Variants in GPLD1 observed in about 807,000 individuals in gnomAD.
The protein encoded by GPLD1 is glycosylphosphatidylinositol specific phospholipase D1.
Under a neutral mutation model 112.6 loss-of-function variants are expected in GPLD1, and 84 were observed. The ratio of observed to expected loss-of-function variants is 0.75; its 90% CI spans 0.63 to 0.89. The LOEUF (loss-of-function observed/expected upper bound fraction) is 0.89. Among genes scored for constraint, GPLD1 ranks in the 40% least tolerant of loss-of-function variants. The pLI, the probability that GPLD1 is intolerant of heterozygous loss-of-function variation, is 0.00. For synonymous variants in GPLD1, 386 were observed against 403.8 expected, an observed-to-expected ratio of 0.96 and a Z score of 0.53; for missense variants, 1,044 against 1,051.5, an observed-to-expected ratio of 0.99 and a Z score of 0.10.
At position 24,466,668 on chromosome 6, in the gene GPLD1, A is replaced by G. The variant is rs769330955; in HGVS notation, c.821+12T>C. ...GAGAGTGATTGGTAATAGAAATGCA[A>G]TATGAATTCACCTGGTCCCATTCTC... On this transcript the variant is annotated intron_variant, in intron 10 of 24. Transcript: ENST00000230036. 6.2e-7 allele frequency: 1 copy of G among 1,607,052 alleles called. No individual in the cohort carries two copies. The highest frequency in any genetic ancestry group is 1.7e-5 in the Admixed American group (1 of 59,760).
At chr6:24,488,340 A>T (rs963286698) in intron 1 of GPLD1, among the ~76,000 whole-genome samples, 1 of 151,746 alleles carries the variant, frequency 6.6e-6, no homozygotes, top group African/African-American at 2.4e-5. Context: ...TGAACCCAGG[A>T]GGCGGAGCTT....
At position 24,489,396 on chromosome 6, in the gene GPLD1, A is replaced by C; in HGVS notation, c.97+19T>G. 1 of 1,520,104 alleles carries C rather than the reference A, an allele frequency of 6.6e-7. No homozygotes were observed. The highest frequency in any genetic ancestry group is 9.1e-7 in the Non-Finnish European group (1 of 1,094,418). 94.2% of individuals were successfully genotyped at this position (1,520,104 alleles called of 1,614,324 possible). A position where few individuals can be genotyped will look rare whatever the true frequency, so the allele number is the denominator to read the frequency against. ...GATGTATTGTCCTCTCAACAACATA[A>C]CAAGACACCAGTACTTACCTATTTC... On this transcript the variant is annotated intron_variant, in intron 1 of 24. Coordinates refer to ENST00000230036, the MANE Select transcript of GPLD1 (RefSeq NM_001503.4).
At chr6:24,470,132 TTTTG>T (rs1763751922) in intron 7 of GPLD1, among the ~76,000 whole-genome samples, 4 of 151,702 alleles carry the variant, frequency 2.6e-5, no homozygotes, top group African/African-American at 7.3e-5. Flanking sequence ...ACGGTTTTTT[TTTTG>T]TTTGTTTTTT....
chr6:24,460,050 A>G (rs538219237), intron 12 of GPLD1, among the ~76,000 whole-genome samples: 2 of 152,296 alleles, frequency 1.3e-5, no homozygotes, highest in South Asian at 4.1e-4. Context: ...AGGCACAGCC[A>G]TCACACCCAG....
At chr6:24,472,185 A>ATTTTTATG (rs1763847629) in intron 7 of GPLD1, among the ~76,000 whole-genome samples, 1 of 152,222 alleles carries the variant, frequency 6.6e-6, no homozygotes, top group Admixed American at 6.5e-5. Flanking sequence ...ATAAAATAGA[A>ATTTTTATG]GAAAAGTGTA....
chr6:24,460,929 G>A (rs190700527), intron 11 of GPLD1, among the ~76,000 whole-genome samples: 2 of 152,106 alleles, frequency 1.3e-5, no homozygotes, highest in African/African-American at 4.8e-5. Context: ...TTTTAGTAGA[G>A]ATGGAGTTTC....
chr6:24,446,337 A>G (rs1382062788), intron 18 of GPLD1, among the ~76,000 whole-genome samples: 2 of 100,268 alleles, frequency 2.0e-5, no homozygotes, highest in Admixed American at 1.1e-4. Context: ...CCCTATAAAA[A>G]TGTTTTTAAA....
chr6:24,491,602 G>A (rs1337281454), upstream of GPLD1, among the ~76,000 whole-genome samples: 2 of 152,116 alleles, frequency 1.3e-5, no homozygotes, highest in African/African-American at 4.8e-5. Context: ...AAGCTACTCA[G>A]GAGGCTGAGG....
intron 10 of GPLD1, among the ~76,000 whole-genome samples, chr6:24,465,409 G>C (rs1310827104): frequency 6.6e-6 from 1 of 151,546 alleles, no homozygotes; most frequent in Non-Finnish European, 1.5e-5. Context: ...TGGTGCAGTG[G>C]TGTGAGCCTG....
upstream of GPLD1, among the ~76,000 whole-genome samples, chr6:24,491,977 T>C (rs1272426817): frequency 6.6e-6 from 1 of 152,208 alleles, no homozygotes. Flanking sequence ...ACAATATTAC[T>C]ATCTGACAAA....
intron 20 of GPLD1, among the ~76,000 whole-genome samples, chr6:24,440,416 C>G (rs9467157): frequency 6.6e-6 from 1 of 151,908 alleles, no homozygotes; most frequent in South Asian, 2.1e-4. Context: ...TGAACTCCAG[C>G]CTGGGCAACA....
chr6:24,443,833 G>A (rs1404497239), intron 20 of GPLD1, among the ~76,000 whole-genome samples: 5 of 151,742 alleles, frequency 3.3e-5, no homozygotes, highest in Admixed American at 6.6e-5. Flanking sequence ...ACTATGCCTG[G>A]CTAATTTGTG....
intron 22 of GPLD1, among the ~76,000 whole-genome samples, chr6:24,434,128 T>A (rs1239419298): frequency 6.6e-6 from 1 of 152,168 alleles, no homozygotes; most frequent in African/African-American, 2.4e-5. Context: ...CCAGGCACAG[T>A]GGCTCACACC....
intron 20 of GPLD1, among the ~76,000 whole-genome samples, chr6:24,440,773 T>C (rs1015005330): frequency 1.3e-5 from 2 of 151,734 alleles, no homozygotes; most frequent in Non-Finnish European, 2.9e-5. Flanking sequence ...CTATATATAT[T>C]TCTTTCTGGA....
chr6:24,466,559 C>A, intron 10 of GPLD1, 121 bp downstream of exon 10: 1 of 734,128 alleles, frequency 1.4e-6, no homozygotes, highest in Non-Finnish European at 2.3e-6. Context: ...GTTAGAAAAG[C>A]ACTTCATGAG....
At chr6:24,425,121 G>A (rs1052179975), downstream of GPLD1, 5 of 152,174 alleles carry the variant, frequency 3.3e-5, no homozygotes, top group East Asian at 1.9e-4. Flanking sequence ...CTAGCATTAC[G>A]AATCTCTTAG....
chr6:24,427,845 CAAAA>C lies in GPLD1; in HGVS notation c.*1183_*1186del, dbSNP rs72112585. 2.3e-5 allele frequency among the ~76,000 whole-genome samples: 2 copies of C among 87,632 alleles called. No individual in the cohort carries two copies. The highest frequency in any genetic ancestry group is 1.5e-4 in the Admixed American group (1 of 6,722). The allele number at this position is 87,632 out of a possible 152,430, so 57.5% of individuals were successfully genotyped here. On this transcript the variant is annotated 3_prime_UTR_variant, in exon 25 of 25. Transcript: ENST00000230036. The stretch of plus-strand genomic sequence containing the variant: ...TGGGCAACAGAGCAAGACTCCGTCT[CAAAA>C]AAAAAAAAAAAAAAAAAGGACTATC...
chr6:24,494,953 G>A, intron 1 of GPLD1: 1 of 1,284,788 alleles, frequency 7.8e-7, no homozygotes, highest in Non-Finnish European at 9.8e-7. Flanking sequence ...TCCCGTGCGC[G>A]CGCGCCCGCT....
chr6:24,488,338 G>A lies in GPLD1; in HGVS notation c.97+1077C>T, dbSNP rs552232983. 3.9e-3 allele frequency among the ~76,000 whole-genome samples: 593 copies of A among 152,056 alleles called. 1 individual carries two copies. Among genetic ancestry groups the A allele is most frequent in the Non-Finnish European group, 5.9e-3 (399 of 68,002 alleles). Reference sequence around the variant, plus strand: ...GAGGCAGGAGAATGGTGTGAACCCAGGAGGCGGAGCTTGCAGTGAGCCGAG... The same window carrying A: ...GAGGCAGGAGAATGGTGTGAACCCAAGAGGCGGAGCTTGCAGTGAGCCGAG... On this transcript the variant is annotated intron_variant, in intron 1 of 24. Coordinates refer to ENST00000230036, the MANE Select transcript of GPLD1 (RefSeq NM_001503.4).
Sources: allele counts gnomAD v4.1 joint callset (sites outside exome capture counted in the v4.1 genomes callset), GRCh38; gene constraint gnomAD v4.1.1; transcripts MANE v1.5; gene names NCBI Gene and HGNC (gene_info 2026-07-23, HGNC 2026-07-21).